DNAI7: variants seen among roughly 807,000 people sequenced by gnomAD.
DNAI7 encodes cancer susceptibility 1.
In DNAI7, 78 loss-of-function variants were observed where a neutral mutation model predicts 86.6. The ratio of observed to expected loss-of-function variants is 0.90; its 90% CI spans 0.75 to 1.09. DNAI7 has a LOEUF of 1.09. Among genes scored for constraint, DNAI7 ranks in the 50% least tolerant of loss-of-function variants. The pLI is 0.00. For synonymous variants in DNAI7, 274 were observed against 273.0 expected (o/e 1.00, Z -0.04); for missense variants, 753 against 810.2 (o/e 0.93, Z 0.86).
intron 4 of DNAI7, among the ~76,000 whole-genome samples, chr12:25,158,085 C>T (rs1475740445): frequency 1.3e-5 from 2 of 151,960 alleles, no homozygotes; most frequent in East Asian, 3.9e-4. Flanking sequence ...AAAAATTAGC[C>T]GGGTGTGGTG....
chr12:25,150,447 A>G (rs1429749967), intron 6 of DNAI7, among the ~76,000 whole-genome samples: 3 of 151,986 alleles, frequency 2.0e-5, no homozygotes, highest in Non-Finnish European at 4.4e-5. Flanking sequence ...TACTAAAAAT[A>G]CAAAAAATTA....
At chr12:25,169,847 CAAAAAAAA>C (rs1173396136) in intron 2 of DNAI7, among the ~76,000 whole-genome samples, 5,971 of 66,720 alleles carry the variant, frequency 0.089, 427 homozygotes, top group African/African-American at 0.21. Context: ...GACTCTGTCT[CAAAAAAAA>C]AAAAAAAAAG....
At chr12:25,149,930 C>G (rs1945299754) in intron 6 of DNAI7, among the ~76,000 whole-genome samples, 156 bp from the exon 7 acceptor site, 1 of 151,870 alleles carries the variant, frequency 6.6e-6, no homozygotes, top group Non-Finnish European at 1.5e-5. Flanking sequence ...AGATCATAAA[C>G]AAAAATTTCC....
At chr12:25,137,214 T>C (rs751214319) in intron 9 of DNAI7, among the ~76,000 whole-genome samples, 1 of 151,926 alleles carries the variant, frequency 6.6e-6, no homozygotes, top group Non-Finnish European at 1.5e-5. Context: ...CTAGAAGGGA[T>C]TGGGGTCCTA....
intron 2 of DNAI7, among the ~76,000 whole-genome samples, chr12:25,164,912 C>T (rs1192890357): frequency 8.0e-5 from 12 of 149,952 alleles, no homozygotes; most frequent in African/African-American, 2.7e-4. Flanking sequence ...GGCTTAGTTT[C>T]GTTCCGCGAC....
At chr12:25,159,158 T>C (rs988498666) in intron 3 of DNAI7, among the ~76,000 whole-genome samples, 1 of 152,212 alleles carries the variant, frequency 6.6e-6, no homozygotes, top group Non-Finnish European at 1.5e-5. Flanking sequence ...TCTTCTTTGC[T>C]TCTTGTGGAA....
chr12:25,156,750 A>G (rs576466483), intron 4 of DNAI7, among the ~76,000 whole-genome samples: 19 of 152,156 alleles, frequency 1.2e-4, no homozygotes, highest in African/African-American at 3.9e-4. Context: ...CAAAAAAAAA[A>G]TGAAAAAATC....
chr12:25,194,878 A>C (rs371161188), intron 1 of DNAI7, 198 bp downstream of exon 1: 1 of 1,613,338 alleles, frequency 6.2e-7, no homozygotes, highest in Non-Finnish European at 8.5e-7. Flanking sequence ...CTGGTTTGGG[A>C]CTCCTACCTG....
intron 9 of DNAI7, among the ~76,000 whole-genome samples, chr12:25,134,651 C>G (rs1943333830): frequency 6.6e-6 from 1 of 152,150 alleles, no homozygotes; most frequent in Non-Finnish European, 1.5e-5. Flanking sequence ...GCCACTGCAC[C>G]TGGCCTCCTT....
intron 13 of DNAI7, among the ~76,000 whole-genome samples, chr12:25,112,561 C>T (rs539189044): frequency 3.1e-4 from 47 of 152,006 alleles, no homozygotes; most frequent in Admixed American, 2.0e-3. Context: ...CGCCCACCAC[C>T]ACACCCGGCT....
chr12:25,179,917 A>T (rs1419366380), intron 2 of DNAI7, among the ~76,000 whole-genome samples: 2 of 152,162 alleles, frequency 1.3e-5, no homozygotes, highest in South Asian at 4.1e-4. Flanking sequence ...ATTCCTATTC[A>T]ATAGTACTGG....
chr12:25,114,609 G>T, intron 13 of DNAI7, 47 bp downstream of exon 13: 1 of 1,282,636 alleles, frequency 7.8e-7, no homozygotes, highest in Non-Finnish European at 1.1e-6. Context: ...CATCAAAATG[G>T]TTTACCTCTG....
intron 1 of DNAI7, 118 bp downstream of exon 1, chr12:25,194,958 T>A (rs1950914769): frequency 6.2e-7 from 1 of 1,614,198 alleles, no homozygotes; most frequent in East Asian, 2.2e-5. Context: ...ATGAGTTATT[T>A]CCCAAACCGA....
At chr12:25,115,678 T>C (rs971875051) in intron 12 of DNAI7, among the ~76,000 whole-genome samples, 1 of 152,148 alleles carries the variant, frequency 6.6e-6, no homozygotes, top group African/African-American at 2.4e-5. Context: ...AAATAACAAA[T>C]GTTATGAACA....
At chr12:25,194,919 C>G (rs779771007) in intron 1 of DNAI7, 157 bp downstream of exon 1, 1 of 1,614,174 alleles carries the variant, frequency 6.2e-7, no homozygotes, top group East Asian at 2.2e-5. Flanking sequence ...AAAGCCATTG[C>G]TGAGAAGAGG....
downstream of DNAI7, among the ~76,000 whole-genome samples, chr12:25,107,255 G>A (rs1949234594): frequency 1.3e-5 from 2 of 152,012 alleles, no homozygotes; most frequent in African/African-American, 4.8e-5. Context: ...AACTTTTACT[G>A]TAATATATGT....
chr12:25,162,949 G>C (rs961692034), intron 2 of DNAI7, among the ~76,000 whole-genome samples: 2 of 152,184 alleles, frequency 1.3e-5, no homozygotes, highest in Admixed American at 1.3e-4. Context: ...TTTAGCTCCA[G>C]ATTGACTACA....
At chr12:25,146,770 A>G (rs368602744) in intron 8 of DNAI7, among the ~76,000 whole-genome samples, 1 of 152,186 alleles carries the variant, frequency 6.6e-6, no homozygotes, top group Non-Finnish European at 1.5e-5. Context: ...CTTCAATCCA[A>G]TCCTATTAAG....
intron 6 of DNAI7, among the ~76,000 whole-genome samples, chr12:25,153,957 G>T (rs1025131623): frequency 7.2e-5 from 11 of 152,040 alleles, no homozygotes; most frequent in African/African-American, 2.7e-4. Context: ...CTGGCACCTA[G>T]TAAACATGAA....
Sources: allele counts gnomAD v4.1 joint callset (sites outside exome capture counted in the v4.1 genomes callset), GRCh38; gene constraint gnomAD v4.1.1; transcripts MANE v1.5; gene names NCBI Gene and HGNC (gene_info 2026-07-23, HGNC 2026-07-21).